RIMS2: variants seen among roughly 807,000 people sequenced by gnomAD.
RIMS2 encodes the protein regulating synaptic membrane exocytosis 2.
In RIMS2, 59 loss-of-function variants were observed where a neutral mutation model predicts 174.4. That is an observed-to-expected ratio of 0.34 (90% confidence interval 0.27 to 0.42). RIMS2 has a LOEUF of 0.42. Ranked by LOEUF, RIMS2 falls within the 10% of genes least tolerant of loss-of-function variation. The pLI is 1.00. For missense variants in RIMS2, 1,620 were observed against 1,666.3 expected (o/e 0.97, Z 0.48); for synonymous variants, 606 against 572.5 (o/e 1.06, Z -0.84).
At chr8:103,948,955 A>G (rs1341248948) in intron 14 of RIMS2, among the ~76,000 whole-genome samples, 1 of 135,906 alleles carries the variant, frequency 7.4e-6, no homozygotes, top group Non-Finnish European at 1.6e-5. Context: ...ATGAGACCCC[A>G]TTTTTACAAA....
intron 19 of RIMS2, among the ~76,000 whole-genome samples, chr8:104,042,872 C>T (rs957677126): frequency 6.6e-6 from 1 of 151,318 alleles, no homozygotes; most frequent in Admixed American, 6.6e-5. Context: ...ATGGAATTGT[C>T]AGTAGCATAT....
intron 1 of RIMS2, among the ~76,000 whole-genome samples, chr8:103,633,516 C>G (rs1202412786): frequency 6.6e-6 from 1 of 152,056 alleles, no homozygotes; most frequent in Non-Finnish European, 1.5e-5. Flanking sequence ...CTTGTCTCTT[C>G]CAGGTTTTGG....
At chr8:104,196,111 A>C (rs142002486) in intron 19 of RIMS2, among the ~76,000 whole-genome samples, 375 of 152,302 alleles carry the variant, frequency 2.5e-3, no homozygotes, top group African/African-American at 8.3e-3. Flanking sequence ...TTAAAGGTAA[A>C]GAAAAATCTT....
chr8:104,248,704 G>A, exon 21 of RIMS2: 1 of 1,582,286 alleles, frequency 6.3e-7, no homozygotes, highest in Non-Finnish European at 8.7e-7. Context: ...CTTTCAGTCT[G>A]ATTTTCCCTG....
chr8:104,112,794 A>G (rs1443019784), intron 19 of RIMS2, among the ~76,000 whole-genome samples: 1 of 152,226 alleles, frequency 6.6e-6, no homozygotes, highest in Non-Finnish European at 1.5e-5. Context: ...TGCCTAGCAC[A>G]GCACAGGTCC....
intron 3 of RIMS2, among the ~76,000 whole-genome samples, chr8:103,808,690 T>C (rs2098666694): frequency 6.6e-6 from 1 of 152,164 alleles, no homozygotes; most frequent in South Asian, 2.1e-4. Flanking sequence ...ATCTAAGAGT[T>C]ACTTTTTACA....
chr8:103,651,444 A>AT (rs34427632), intron 1 of RIMS2, among the ~76,000 whole-genome samples: 26,845 of 152,060 alleles, frequency 0.18, 2,562 homozygotes, highest in African/African-American at 0.24. Context: ...CTGACTGTGA[A>AT]TTTTAGATTT....
chr8:104,029,054 C>T (rs2096323345), intron 19 of RIMS2, among the ~76,000 whole-genome samples: 1 of 152,108 alleles, frequency 6.6e-6, no homozygotes, highest in Non-Finnish European at 1.5e-5. Context: ...AGGGATTCTC[C>T]CCTTTTTAGA....
intron 19 of RIMS2, among the ~76,000 whole-genome samples, chr8:104,035,194 G>A (rs1597475305): frequency 6.6e-6 from 1 of 151,404 alleles, no homozygotes; most frequent in Non-Finnish European, 1.5e-5. Context: ...CACAGCTATT[G>A]TTATTGCAAC....
At chr8:104,125,999 C>T (rs2132609637) in intron 19 of RIMS2, among the ~76,000 whole-genome samples, 1 of 152,214 alleles carries the variant, frequency 6.6e-6, no homozygotes, top group African/African-American at 2.4e-5. Context: ...TACAAAGTTT[C>T]TCCTCCTCAG....
intron 1 of RIMS2, among the ~76,000 whole-genome samples, chr8:103,604,156 A>G (rs1412043880): frequency 6.7e-6 from 1 of 150,060 alleles, no homozygotes; most frequent in Non-Finnish European, 1.5e-5. Flanking sequence ...TCTTTAATCC[A>G]TCTTGAATTA....
intron 13 of RIMS2, among the ~76,000 whole-genome samples, chr8:103,939,829 G>A (rs56123555): frequency 0.19 from 29,151 of 152,046 alleles, 3,225 homozygotes; most frequent in Non-Finnish European, 0.24. Flanking sequence ...AATCTCTAGG[G>A]CAGGGGTAAA....
chr8:103,632,057 A>C (rs1436966514), intron 1 of RIMS2, among the ~76,000 whole-genome samples: 1 of 152,198 alleles, frequency 6.6e-6, no homozygotes, highest in Non-Finnish European at 1.5e-5. Context: ...GTGTGGAATA[A>C]TATAGTTGGC....
At chr8:103,888,835 G>A (rs188594778) in intron 4 of RIMS2, among the ~76,000 whole-genome samples, 27 of 151,534 alleles carry the variant, frequency 1.8e-4, no homozygotes, top group Middle Eastern at 6.9e-3. Flanking sequence ...TCTAATAGAC[G>A]CTCTTGAAGA....
At chr8:104,111,516 T>G (rs1314647450) in intron 19 of RIMS2, among the ~76,000 whole-genome samples, 1 of 152,212 alleles carries the variant, frequency 6.6e-6, no homozygotes, top group Non-Finnish European at 1.5e-5. Context: ...CAAGTGATTC[T>G]CCTGCCTCAG....
chr8:104,057,068 T>TC (rs1169681978), intron 19 of RIMS2, among the ~76,000 whole-genome samples: 2 of 149,964 alleles, frequency 1.3e-5, no homozygotes, highest in Non-Finnish European at 3.0e-5. Flanking sequence ...TTTTTCTTTT[T>TC]TTTTTTTTTT....
At chr8:103,984,625 A>G (rs1167505037) in intron 16 of RIMS2, among the ~76,000 whole-genome samples, 2 of 152,238 alleles carry the variant, frequency 1.3e-5, no homozygotes, top group African/African-American at 4.8e-5. Flanking sequence ...TACACCCTCT[A>G]TGGAGAACAG....
chr8:104,179,825 A>G (rs143700530), intron 19 of RIMS2, among the ~76,000 whole-genome samples: 1,599 of 151,836 alleles, frequency 0.011, 21 homozygotes, highest in African/African-American at 0.035. Flanking sequence ...ACAAATACCT[A>G]TAATAGAAAA....
At chr8:104,112,402 T>C (rs752290249) in intron 19 of RIMS2, among the ~76,000 whole-genome samples, 7 of 152,086 alleles carry the variant, frequency 4.6e-5, no homozygotes, top group Non-Finnish European at 1.0e-4. Flanking sequence ...TATTTATGTA[T>C]AACATATGGC....
Sources: gnomAD v4.1 joint callset for allele counts (sites outside exome capture counted in the v4.1 genomes callset) on GRCh38, gnomAD v4.1.1 for gene constraint, MANE v1.5 for transcripts, NCBI Gene and HGNC (gene_info 2026-07-23, HGNC 2026-07-21) for gene names.